TMEM62: variants seen among roughly 807,000 people sequenced by gnomAD.
TMEM62 encodes the protein transmembrane protein 62.
TMEM62 carries 41 observed loss-of-function variants against 70.4 expected under a neutral mutation model. The observed-to-expected ratio is 0.58, with a 90% CI of 0.45 to 0.76. TMEM62 has a LOEUF of 0.76. Among genes scored for constraint, TMEM62 ranks in the 30% least tolerant of loss-of-function variants. The probability of loss-of-function intolerance (pLI) is 0.00; values close to 1 mark genes in which losing one functional copy is unlikely to be tolerated. For missense variants in TMEM62, 688 were observed against 788.5 expected (o/e 0.87, Z 1.53); for synonymous variants, 268 against 291.0 (o/e 0.92, Z 0.80).
chr15:43,152,233 G>T (rs1372019148), intron 8 of TMEM62, among the ~76,000 whole-genome samples: 1 of 151,760 alleles, frequency 6.6e-6, no homozygotes, highest in Non-Finnish European at 1.5e-5. Context: ...CTTTTACATT[G>T]CTATAAGCAT....
At chr15:43,144,334 C>T (rs1254293045) in intron 4 of TMEM62, among the ~76,000 whole-genome samples, 1 of 152,196 alleles carries the variant, frequency 6.6e-6, no homozygotes, top group Non-Finnish European at 1.5e-5. Flanking sequence ...ACTGGATAGG[C>T]AGCCTAGGGC....
intron 10 of TMEM62, among the ~76,000 whole-genome samples, chr15:43,163,713 C>T (rs1003568261): frequency 5.3e-5 from 8 of 151,396 alleles, no homozygotes; most frequent in Admixed American, 2.0e-4. Flanking sequence ...ACCCGGGAGG[C>T]GGAGCTTGCA....
chr15:43,133,807 C>T lies in TMEM62; in HGVS notation c.5C>T (p.Ala2Val). The change falls in exon 1 of 14, where the codon GCT becomes GTT. Residue 2 changes from alanine to valine, a missense_variant. Ala to Val is a moderately conservative substitution (Grantham distance 64, BLOSUM62 0). Coordinates refer to ENST00000260403, the MANE Select transcript of TMEM62 (RefSeq NM_024956.4). ...GCGCCCCGGCGGGCGGGCGGCATGG[C>T]TGCAGTGCTGGCTCTCAGGGTGGTC... The part of the protein sequence containing the change: M[A>V]AVLALRVVAG... 1 of 1,408,002 alleles carries T rather than the reference C, an allele frequency of 7.1e-7. No homozygotes were observed. The highest frequency in any genetic ancestry group is 3.1e-5 in the Admixed American group (1 of 32,484). The allele number at this position is 1,408,002 out of a possible 1,614,324, so 87.2% of individuals were successfully genotyped here.
At position 43,134,331 on chromosome 15, in the gene TMEM62, T is replaced by G; in HGVS notation, c.255T>G (p.Thr85=). 1 of 1,614,142 alleles carries G rather than the reference T, an allele frequency of 6.2e-7. No individual in the cohort carries two copies. Among genetic ancestry groups the G allele is most frequent in the Non-Finnish European group, 8.5e-7 (1 of 1,180,002 alleles). Residue 85 remains threonine, a synonymous_variant, in exon 2 of 14, where the codon ACT becomes ACG. Coordinates refer to ENST00000260403, the MANE Select transcript of TMEM62 (RefSeq NM_024956.4). ...AVDLEKFCSE[T]IDIIQPALVL... ...ACTTAGAGAAATTCTGTTCTGAAAC[T>G]ATTGACATCATTCAACCAGCTCTCG...
chr15:43,168,933 T>G (rs1280890207), intron 10 of TMEM62: 1 of 152,332 alleles, frequency 6.6e-6, no homozygotes, highest in African/African-American at 2.4e-5. Context: ...AAGGGCCAGC[T>G]TAAATGCTCC....
intron 12 of TMEM62, among the ~76,000 whole-genome samples, chr15:43,179,026 T>C (rs137984589): frequency 3.6e-3 from 552 of 152,348 alleles, no homozygotes; most frequent in African/African-American, 0.013. Context: ...CTATATCTCA[T>C]CACAGGTTTT....
intron 1 of TMEM62, 62 bp downstream of exon 1, chr15:43,134,044 C>T: frequency 5.6e-6 from 8 of 1,437,686 alleles, no homozygotes; most frequent in Non-Finnish European, 7.3e-6. Flanking sequence ...CGGTGGGACC[C>T]TTGCGGGTGT....
chr15:43,169,244 G>A, intron 10 of TMEM62: 2 of 185,900 alleles, frequency 1.1e-5, no homozygotes, highest in Non-Finnish European at 2.2e-5. Flanking sequence ...GGGGAAAGGG[G>A]TGGATGATTG....
intron 11 of TMEM62, among the ~76,000 whole-genome samples, chr15:43,173,387 A>C (rs1389165701): frequency 1.3e-5 from 2 of 152,180 alleles, no homozygotes; most frequent in Admixed American, 1.3e-4. Context: ...CATCTCATCC[A>C]TAGATCACTT....
chr15:43,154,948 C>G (rs570269117), intron 9 of TMEM62, 117 bp downstream of exon 9: 3 of 955,442 alleles, frequency 3.1e-6, no homozygotes, highest in African/African-American at 3.3e-5. Context: ...AAACTGGGGG[C>G]CGGGCATGGT....
At chr15:43,183,437 C>G (rs552922502) in intron 13 of TMEM62, among the ~76,000 whole-genome samples, 1 of 152,204 alleles carries the variant, frequency 6.6e-6, no homozygotes, top group Non-Finnish European at 1.5e-5. Flanking sequence ...CAATTTCCAC[C>G]TGGCTCATGC....
At chr15:43,170,624 A>AT (rs2040085767) in intron 11 of TMEM62, among the ~76,000 whole-genome samples, 2 of 152,232 alleles carry the variant, frequency 1.3e-5, no homozygotes, top group South Asian at 4.1e-4. Context: ...TCTTGATAAT[A>AT]TGTAAAATCT....
At chr15:43,159,753 G>A (rs2038458613) in intron 9 of TMEM62, among the ~76,000 whole-genome samples, 1 of 152,176 alleles carries the variant, frequency 6.6e-6, no homozygotes, top group South Asian at 2.1e-4. Flanking sequence ...ACTGGAATGA[G>A]CTGTTTCCCT....
At chr15:43,154,948 C>T (rs570269117) in intron 9 of TMEM62, 117 bp downstream of exon 9, 7 of 955,324 alleles carry the variant, frequency 7.3e-6, no homozygotes, top group Admixed American at 3.1e-5. Context: ...AAACTGGGGG[C>T]CGGGCATGGT....
chr15:43,170,931 G>A (rs1297466365), intron 11 of TMEM62, among the ~76,000 whole-genome samples: 1 of 152,198 alleles, frequency 6.6e-6, no homozygotes, highest in Non-Finnish European at 1.5e-5. Flanking sequence ...AAAGCCAAGA[G>A]TACAGAATCA....
intron 7 of TMEM62, among the ~76,000 whole-genome samples, chr15:43,151,569 C>T (rs1171438162): frequency 6.6e-6 from 1 of 152,042 alleles, no homozygotes; most frequent in African/African-American, 2.4e-5. Context: ...TTCAAGAGCA[C>T]AGTTGAATCC....
rs1191468344 is a variant in TMEM62, at chr15:43,134,350, G to C, written c.274G>C (p.Ala92Pro). 3 of 1,613,794 alleles carry C rather than the reference G, an allele frequency of 1.9e-6. No homozygotes were observed. In the African/African-American group the frequency reaches 4.0e-5, roughly 22 times the overall value. The change falls in exon 2 of 14, where the codon GCT becomes CCT. Residue 92 changes from alanine to proline, a missense_variant. Physicochemically the swap from Ala to Pro is conservative, Grantham distance 27 (BLOSUM62 -1). Coordinates refer to ENST00000260403, the MANE Select transcript of TMEM62 (RefSeq NM_024956.4). ...TGAAACTATTGACATCATTCAACCAGCTCTCGTCCTAGCAACAGGTAGGGA... is the reference window on the plus strand; with the variant it reads ...TGAAACTATTGACATCATTCAACCACCTCTCGTCCTAGCAACAGGTAGGGA... ...CSETIDIIQP[A>P]LVLATGDLTD...
intron 12 of TMEM62, chr15:43,180,776 A>T (rs1174921891): frequency 6.5e-6 from 1 of 154,520 alleles, no homozygotes. Flanking sequence ...AAGTAGTTGA[A>T]GTTTTTTTGC....
At chr15:43,155,956 AAAT>A (rs1176831631) in intron 9 of TMEM62, among the ~76,000 whole-genome samples, 1 of 152,146 alleles carries the variant, frequency 6.6e-6, no homozygotes, top group East Asian at 1.9e-4. Context: ...CCAGAGTAGA[AAAT>A]AATAATCATT....
Sources: gnomAD v4.1 joint callset for allele counts (sites outside exome capture counted in the v4.1 genomes callset) on GRCh38, gnomAD v4.1.1 for gene constraint, MANE v1.5 for transcripts, NCBI Gene and HGNC (gene_info 2026-07-23, HGNC 2026-07-21) for gene names.